The following MYO1F variants were observed in gnomAD, a reference collection of about 807,000 sequenced individuals.
MYO1F encodes the protein unconventional myosin-If.
In MYO1F, 60 loss-of-function variants were observed where a neutral mutation model predicts 146.6. That is an observed-to-expected ratio of 0.41 (90% CI 0.33 to 0.51). The LOEUF (loss-of-function observed/expected upper bound fraction) is 0.51, where lower values mean the gene tolerates loss of function less well. MYO1F is among the 20% of genes least tolerant of loss of function. The probability of loss-of-function intolerance (pLI) is 0.25; values close to 1 mark genes in which losing one functional copy is unlikely to be tolerated. For synonymous variants in MYO1F, 602 were observed against 602.1 expected (o/e 1.00, Z 0.00); for missense variants, 1,274 against 1,534.3 (o/e 0.83, Z 2.83).
At chr19:8,538,112 C>T (rs114095677) in intron 16 of MYO1F, among the ~76,000 whole-genome samples, 3,716 of 151,146 alleles carry the variant, frequency 0.025, 82 homozygotes, top group African/African-American at 0.062. Flanking sequence ...GCTGCCACCA[C>T]ACCCAGCTCC....
At chr19:8,574,577 T>TTCTTTCTTTCTTTCTCTCTCTC in intron 1 of MYO1F, among the ~76,000 whole-genome samples, 1 of 79,754 alleles carries the variant, frequency 1.3e-5, no homozygotes, top group South Asian at 4.8e-4. Context: ...CTTTCTTTCT[T>TTCTTTCTTTCTTTCTCTCTCTC]TCTCTCTCTC....
chr19:8,521,792 C>G (rs1020846861), intron 27 of MYO1F, among the ~76,000 whole-genome samples, 188 bp from the exon 28 acceptor site: 12 of 152,114 alleles, frequency 7.9e-5, no homozygotes, highest in Non-Finnish European at 1.8e-4. Flanking sequence ...CCACTGCATC[C>G]GGCCATTTCT....
Position 8,554,869 on chromosome 19 carries a change from A to G in MYO1F, c.142-126T>C, listed in dbSNP as rs982591975. On this transcript the variant is annotated intron_variant, in intron 2 of 27. Coordinates refer to ENST00000644032, the MANE Select transcript of MYO1F (RefSeq NM_012335.4). ...GAGGTGGAAGAGATGGAGATAATGG[A>G]TGCACCTCGAGTCTCTTGGAAAAAA... 4 of 893,548 alleles carry G rather than the reference A, an allele frequency of 4.5e-6. No homozygotes were observed. The African/African-American group carries it at 6.6e-5, about 15-fold the overall frequency. 55.4% of individuals were successfully genotyped at this position (893,548 alleles called of 1,614,324 possible). A position where few individuals can be genotyped will look rare whatever the true frequency, so the allele number is the denominator to read the frequency against.
Position 8,568,095 on chromosome 19 carries a change from G to A in MYO1F, c.3+9212C>T, listed in dbSNP as rs543913969. 1.3e-3 allele frequency among the ~76,000 whole-genome samples: 195 copies of A among 152,252 alleles called. 2 individuals are homozygous for A. The highest frequency in any genetic ancestry group is 9.7e-4 in the Non-Finnish European group (66 of 68,012). On this transcript the variant is annotated intron_variant, in intron 1 of 27. Coordinates refer to ENST00000644032, the MANE Select transcript of MYO1F (RefSeq NM_012335.4). ...TCTCTATCCTGCCCCAGGCACTAGA[G>A]GCCCTCAGACACTCCATGCTCCAGC...
chr19:8,560,439 T>A (rs1219095823), intron 1 of MYO1F, among the ~76,000 whole-genome samples: 1 of 151,004 alleles, frequency 6.6e-6, no homozygotes, highest in Non-Finnish European at 1.5e-5. Flanking sequence ...GAGCCGAGAT[T>A]GCACCATTGC....
chr19:8,527,299 GT>G lies in MYO1F; in HGVS notation c.2474+38del, dbSNP rs754392322. 6 of 1,613,408 alleles carry G rather than the reference GT, an allele frequency of 3.7e-6. No individual in the cohort carries two copies. In the African/African-American group the frequency reaches 8.0e-5, roughly 22 times the overall value. On this transcript the variant is annotated intron_variant, in intron 22 of 27. Transcript: ENST00000644032. ...TAGAATGAGGGCAGCCAGGGGACAG[GT>G]GAGAGTGACTGTGCGGCAGGTAAGG...
In MYO1F at chr19:8,536,367, G is replaced by C; in HGVS notation, c.1928C>G (p.Pro643Arg). 6.2e-7 allele frequency: 1 copy of C among 1,606,408 alleles called. No homozygotes were observed. The highest frequency in any genetic ancestry group is 8.5e-7 in the Non-Finnish European group (1 of 1,179,910). Residue 643 changes from proline to arginine, a missense_variant, in exon 19 of 28, where the codon CCG (proline) becomes CGG (arginine). Coordinates refer to ENST00000644032, the MANE Select transcript of MYO1F (RefSeq NM_012335.4). ...RYAILTPETW[P>R]RWRGDERQGV... ...CTGGCGTTCGTCCCCACGCCACCGC[G>C]GCCACGTCTCGGGGGTCAGAATGGC...
intron 19 of MYO1F, among the ~76,000 whole-genome samples, chr19:8,534,312 C>A (rs1972614008): frequency 6.6e-6 from 1 of 151,130 alleles, no homozygotes; most frequent in Admixed American, 6.6e-5. Flanking sequence ...TTTTTCTTTT[C>A]TTTTCTTTTC....
chr19:8,553,364 C>G lies in MYO1F; in HGVS notation c.400G>C (p.Gly134Arg). Reference protein sequence around the residue: ...MGYISKVSGGGEKVQHVKDII... With the variant: ...MGYISKVSGGREKVQHVKDII... ...CCTCGTCTCACCTGGACCTTCTCGCCTCCGCCAGACACCTTGGAGATGTAG... is the reference window on the plus strand; with the variant it reads ...CCTCGTCTCACCTGGACCTTCTCGCGTCCGCCAGACACCTTGGAGATGTAG... Residue 134 changes from glycine (G) to arginine (R), a missense_variant, in exon 5 of 28, where the codon GGC (glycine) becomes CGC (arginine). Physicochemically the swap from Gly to Arg is moderately radical, Grantham distance 125. This residue lies in a region of MYO1F where 900 missense variants were observed against 1,155.1 expected (regional missense o/e 0.78). Coordinates refer to ENST00000644032, the MANE Select transcript of MYO1F (RefSeq NM_012335.4). The G allele has an allele frequency of 1.2e-6, 2 of 1,614,114 alleles. No homozygotes were observed. Among genetic ancestry groups the G allele is most frequent in the Non-Finnish European group, 1.7e-6 (2 of 1,180,024 alleles).
intron 1 of MYO1F, among the ~76,000 whole-genome samples, chr19:8,564,957 G>C (rs977110133): frequency 6.6e-6 from 1 of 151,674 alleles, no homozygotes; most frequent in Non-Finnish European, 1.5e-5. Context: ...GTTTTTAGTA[G>C]AGACAGGATT....
intron 19 of MYO1F, among the ~76,000 whole-genome samples, chr19:8,532,379 G>A (rs1377432598): frequency 6.6e-6 from 1 of 152,088 alleles, no homozygotes; most frequent in African/African-American, 2.4e-5. Flanking sequence ...AAGTCTAAGA[G>A]GAATGTCTAC....
At chr19:8,544,055 GGT>G in intron 14 of MYO1F, 1 of 595,268 alleles carries the variant, frequency 1.7e-6, no homozygotes, top group Non-Finnish European at 3.0e-6. Flanking sequence ...TGGTGGTGGT[GGT>G]GGTGGTGGTG....
chr19:8,529,217 C>T (rs2145834402), intron 21 of MYO1F, among the ~76,000 whole-genome samples: 2 of 152,172 alleles, frequency 1.3e-5, no homozygotes, highest in Middle Eastern at 6.8e-3. Flanking sequence ...TCAGTGTGTA[C>T]CTGCCACACA....
chr19:8,554,415 G>T (rs747866245), intron 4 of MYO1F, 62 bp downstream of exon 4: 20 of 1,386,918 alleles, frequency 1.4e-5, no homozygotes, highest in Non-Finnish European at 1.9e-5. Flanking sequence ...CTCCCTGGGG[G>T]TGGTGATGTT....
At chr19:8,531,949 C>T (rs1205967318) in intron 19 of MYO1F, among the ~76,000 whole-genome samples, 3 of 152,102 alleles carry the variant, frequency 2.0e-5, no homozygotes, top group Admixed American at 6.6e-5. Context: ...GAAACCCCGT[C>T]TCTACTAATA....
chr19:8,541,700 A>G, intron 15 of MYO1F: 1 of 601,240 alleles, frequency 1.7e-6, no homozygotes. Flanking sequence ...AAGTGCTGGG[A>G]TTACAGGCGT....
Position 8,554,565 on chromosome 19 carries a change from A to T in MYO1F, c.238T>A (p.Tyr80Asn). Residue 80 changes from tyrosine (Y) to asparagine (N), a missense_variant, in exon 4 of 28, where the codon TAT (tyrosine) becomes AAT (asparagine). By Grantham distance (143) the Tyr-to-Asn change is moderately radical (BLOSUM62 -2). Transcript: ENST00000644032. ...GCGTAGATGTGCGGGGGATTCTCAT[A>T]CTGGGCCTGGCAGGGGAGGTCAGGT... ...EIDLYQGAAQ[Y>N]ENPPHIYALT... 1.2e-6 allele frequency: 2 copies of T among 1,613,382 alleles called. No individual in the cohort carries two copies. The highest frequency in any genetic ancestry group is 1.7e-6 in the Non-Finnish European group (2 of 1,179,428).
chr19:8,564,440 C>T (rs568010860), intron 1 of MYO1F, among the ~76,000 whole-genome samples: 5 of 152,058 alleles, frequency 3.3e-5, no homozygotes, highest in Admixed American at 2.0e-4. Flanking sequence ...CCCTGGGGTG[C>T]GTCAGGAGAT....
At chr19:8,550,752 A>G (rs780585139) in intron 8 of MYO1F, 58 bp from the exon 9 acceptor site, 2 of 1,610,792 alleles carry the variant, frequency 1.2e-6, no homozygotes, top group South Asian at 1.1e-5. Context: ...ACCTGCCTCC[A>G]GGGGCAGGCT....
Sources: allele counts gnomAD v4.1 joint callset (sites outside exome capture counted in the v4.1 genomes callset), GRCh38; gene constraint gnomAD v4.1.1; regional missense constraint gnomAD v4.1.1; transcripts MANE v1.5; gene names NCBI Gene and HGNC (gene_info 2026-07-23, HGNC 2026-07-21).